The following CWF19L2 variants were observed in gnomAD, a reference collection of about 807,000 sequenced individuals.
The protein encoded by CWF19L2 is CWF19-like protein 2.
In CWF19L2, 98 loss-of-function variants were observed where a neutral mutation model predicts 111.7. That is an observed-to-expected ratio of 0.88 (90% CI 0.75 to 1.04). The LOEUF (loss-of-function observed/expected upper bound fraction) is 1.04, where lower values mean the gene tolerates loss of function less well. CWF19L2 is among the 50% of genes least tolerant of loss of function. The pLI is 0.00. For missense variants in CWF19L2, 1,101 were observed against 1,051.4 expected, an observed-to-expected ratio of 1.05 and a Z score of -0.65; for synonymous variants, 351 against 342.9, an observed-to-expected ratio of 1.02 and a Z score of -0.26.
At chr11:107,429,560 C>G (rs1861434610) in intron 7 of CWF19L2, 109 bp from the exon 8 acceptor site, 1 of 783,500 alleles carries the variant, frequency 1.3e-6, no homozygotes, top group African/African-American at 1.8e-5. Flanking sequence ...CTGAAAAGCC[C>G]ACTAACGGGG....
intron 12 of CWF19L2, among the ~76,000 whole-genome samples, chr11:107,376,162 C>T (rs879370546): frequency 0.016 from 2,053 of 128,572 alleles, 278 homozygotes; most frequent in South Asian, 0.043. Context: ...CAGATGGATT[C>T]ACAGCCAAAT....
intron 12 of CWF19L2, among the ~76,000 whole-genome samples, chr11:107,379,894 C>T (rs1860655712): frequency 6.6e-6 from 1 of 151,586 alleles, no homozygotes; most frequent in Admixed American, 6.6e-5. Flanking sequence ...CCCATCTCTA[C>T]TAAAAATACA....
chr11:107,390,169 C>T lies in CWF19L2; in HGVS notation c.1777G>A (p.Asp593Asn). 1.2e-6 allele frequency: 2 copies of T among 1,610,970 alleles called. No homozygotes were observed. Among genetic ancestry groups the T allele is most frequent in the Non-Finnish European group, 1.7e-6 (2 of 1,177,952 alleles). Residue 593 changes from aspartate (D) to asparagine (N), a missense_variant, in exon 12 of 18, where the codon GAT (aspartate) becomes AAT (asparagine). Asp to Asn is a conservative substitution (Grantham distance 23). Coordinates refer to ENST00000282251, the MANE Select transcript of CWF19L2 (RefSeq NM_152434.3). ...TCATTTAGGCTTAGATTATCATCAT[C>T]ATGAAAGTATCTGACCCTTTCTCTT... Reference protein sequence around the residue: ...EERERVRYFHDDDNLSLNDLV... With the variant: ...EERERVRYFHNDDNLSLNDLV...
intron 10 of CWF19L2, chr11:107,403,804 T>C (rs76853908): frequency 0.035 from 30,276 of 862,106 alleles, 810 homozygotes; most frequent in East Asian, 0.13. Flanking sequence ...CCACTTCTAC[T>C]GTCAGACCGC....
chr11:107,361,221 CGGTGTAT>C (rs995220431), intron 12 of CWF19L2, among the ~76,000 whole-genome samples: 13 of 152,236 alleles, frequency 8.5e-5, no homozygotes, highest in Middle Eastern at 6.8e-3. Context: ...ATCTTTTCCC[CGGTGTAT>C]GTTCGTGTCA....
At chr11:107,388,875 G>A (rs1860809025) in intron 12 of CWF19L2, among the ~76,000 whole-genome samples, 1 of 152,002 alleles carries the variant, frequency 6.6e-6, no homozygotes, top group African/African-American at 2.4e-5. Context: ...GAAATTTCTG[G>A]CATTTTTTCC....
intron 12 of CWF19L2, among the ~76,000 whole-genome samples, chr11:107,386,030 T>C (rs1860760154): frequency 6.6e-6 from 1 of 152,148 alleles, no homozygotes. Context: ...TTAAAATTTA[T>C]CATAGGTATG....
chr11:107,457,794 G>A lies in CWF19L2; in HGVS notation c.23C>T (p.Ala8Val), dbSNP rs563302361. Residue 8 changes from alanine to valine, a missense_variant, in exon 1 of 18, where the codon GCT becomes GTT. Transcript: ENST00000282251. ...CTTCGCACTTTCAAATCTACCACTAGCAGCCGCCATACTTGTTGCCATCGT... is the reference window on the plus strand; with the variant it reads ...CTTCGCACTTTCAAATCTACCACTAACAGCCGCCATACTTGTTGCCATCGT... MATSMAA[A>V]SGRFESAKSI... 3.7e-5 allele frequency: 57 copies of A among 1,551,494 alleles called. No homozygotes were observed. The African/African-American group carries it at 7.0e-4, about 19-fold the overall frequency.
chr11:107,421,851 T>C (rs1861306772), intron 8 of CWF19L2, among the ~76,000 whole-genome samples: 1 of 152,106 alleles, frequency 6.6e-6, no homozygotes, highest in South Asian at 2.1e-4. Flanking sequence ...ACTGCTCTCC[T>C]AGGTATATTT....
intron 11 of CWF19L2, among the ~76,000 whole-genome samples, chr11:107,392,057 C>A (rs189868933): frequency 2.0e-5 from 3 of 152,054 alleles, no homozygotes; most frequent in Non-Finnish European, 4.4e-5. Flanking sequence ...CCTCTCCAAC[C>A]ACCAAATTCC....
At chr11:107,378,648 G>A (rs1860633301) in intron 12 of CWF19L2, among the ~76,000 whole-genome samples, 1 of 152,130 alleles carries the variant, frequency 6.6e-6, no homozygotes, top group South Asian at 2.1e-4. Flanking sequence ...GGATAGCACT[G>A]GGAGATATAC....
intron 6 of CWF19L2, among the ~76,000 whole-genome samples, chr11:107,438,313 T>TA (rs1460640024): frequency 6.6e-6 from 1 of 152,224 alleles, no homozygotes; most frequent in Non-Finnish European, 1.5e-5. Flanking sequence ...AATTGTGTTA[T>TA]AAAGTATGCT....
chr11:107,362,359 C>A (rs1047809016), intron 12 of CWF19L2, among the ~76,000 whole-genome samples: 2 of 151,960 alleles, frequency 1.3e-5, no homozygotes, highest in African/African-American at 4.8e-5. Context: ...GTAGGCTTCA[C>A]CTCTGGGGGC....
At chr11:107,431,442 G>A (rs1861464448) in intron 7 of CWF19L2, among the ~76,000 whole-genome samples, 1 of 151,884 alleles carries the variant, frequency 6.6e-6, no homozygotes, top group Admixed American at 6.6e-5. Flanking sequence ...ATAGTGTTTT[G>A]GGATGGGATG....
chr11:107,432,624 T>C (rs767181930), intron 7 of CWF19L2, among the ~76,000 whole-genome samples: 2 of 152,044 alleles, frequency 1.3e-5, no homozygotes, highest in Non-Finnish European at 2.9e-5. Context: ...AACAAATGTA[T>C]AAAAACAAAA....
At chr11:107,420,075 C>T (rs938866529) in intron 8 of CWF19L2, among the ~76,000 whole-genome samples, 5 of 151,362 alleles carry the variant, frequency 3.3e-5, no homozygotes, top group African/African-American at 7.3e-5. Context: ...GAAATGGAAT[C>T]ATAAAAATAA....
chr11:107,423,829 C>T (rs1861336210), intron 8 of CWF19L2, among the ~76,000 whole-genome samples: 1 of 151,882 alleles, frequency 6.6e-6, no homozygotes, highest in African/African-American at 2.4e-5. Context: ...ATCCATCAAT[C>T]CATCTCCTTC....
chr11:107,394,446 T>G (rs1291405028), intron 10 of CWF19L2, among the ~76,000 whole-genome samples: 1 of 152,182 alleles, frequency 6.6e-6, no homozygotes, highest in Non-Finnish European at 1.5e-5. Flanking sequence ...GTCCAATACA[T>G]AATTATTAAA....
At chr11:107,410,841 G>C (rs1352096808) in intron 10 of CWF19L2, among the ~76,000 whole-genome samples, 1 of 152,026 alleles carries the variant, frequency 6.6e-6, no homozygotes, top group Non-Finnish European at 1.5e-5. Flanking sequence ...CCTTTTGCTT[G>C]CCTAAGATAC....
Sources: gnomAD v4.1 joint callset for allele counts (sites outside exome capture counted in the v4.1 genomes callset) on GRCh38, gnomAD v4.1.1 for gene constraint, MANE v1.5 for transcripts, NCBI Gene and HGNC (gene_info 2026-07-23, HGNC 2026-07-21) for gene names.